Variants in TAFA2 observed in about 807,000 individuals in gnomAD.
The protein encoded by TAFA2 is TAFA chemokine like family member 2.
Under a neutral mutation model 18.8 loss-of-function variants are expected in TAFA2, and 7 were observed. The observed-to-expected ratio is 0.37, with a 90% CI of 0.21 to 0.70. TAFA2 has a LOEUF of 0.70. Among genes scored for constraint, TAFA2 ranks in the 30% least tolerant of loss-of-function variants. The pLI is 0.53. For synonymous variants in TAFA2, 60 were observed against 54.2 expected (o/e 1.11, Z -0.47); for missense variants, 122 against 158.1 (o/e 0.77, Z 1.23).
At position 61,944,184 on chromosome 12, in the gene TAFA2, C is replaced by A. The variant is rs990617616; in HGVS notation, c.-1-76758G>T. ...GCCGCTCAACTACCTGGAAACTGAACAACCTGCTCCTGAATGACTACTGGG... is the reference window on the plus strand; with the variant it reads ...GCCGCTCAACTACCTGGAAACTGAAAAACCTGCTCCTGAATGACTACTGGG... On this transcript the variant is annotated intron_variant, in intron 1 of 4. Coordinates refer to ENST00000416284, the MANE Select transcript of TAFA2 (RefSeq NM_178539.5). 1.1e-3 allele frequency among the ~76,000 whole-genome samples: 163 copies of A among 146,326 alleles called. 1 individual carries two copies. Among genetic ancestry groups the A allele is most frequent in the Non-Finnish European group, 1.8e-3 (120 of 66,772 alleles).
intron 1 of TAFA2, among the ~76,000 whole-genome samples, chr12:61,916,376 C>T (rs562459616): frequency 1.3e-5 from 2 of 152,202 alleles, no homozygotes; most frequent in African/African-American, 2.4e-5. Context: ...TTACACTCCT[C>T]GACGGTTGAT....
upstream of TAFA2, among the ~76,000 whole-genome samples, chr12:62,193,932 C>T (rs565604191): frequency 6.6e-6 from 1 of 152,234 alleles, no homozygotes; most frequent in South Asian, 2.1e-4. Flanking sequence ...TAGTTGAAAT[C>T]ATTTAAAACA....
intron 1 of TAFA2, among the ~76,000 whole-genome samples, chr12:62,236,265 T>C (rs1206669329): frequency 7.6e-6 from 1 of 131,698 alleles, no homozygotes; most frequent in African/African-American, 3.1e-5. Context: ...TTTTTTCTTT[T>C]TTTTTTCTTT....
At chr12:61,966,431 G>GGGCCTTTAT (rs1879069998) in intron 1 of TAFA2, among the ~76,000 whole-genome samples, 2 of 151,882 alleles carry the variant, frequency 1.3e-5, no homozygotes, top group South Asian at 4.2e-4. Flanking sequence ...CATGAGGGAG[G>GGGCCTTTAT]GGCCTTTATG....
At chr12:62,248,933 C>T (rs2062898906) in intron 1 of TAFA2, among the ~76,000 whole-genome samples, 1 of 152,054 alleles carries the variant, frequency 6.6e-6, no homozygotes, top group Non-Finnish European at 1.5e-5. Flanking sequence ...ATCTAGCAAT[C>T]ATCATTTGAG....
rs966341385 is a variant in TAFA2, at chr12:62,088,934, G to A, written c.-2+102325C>T. 1.1e-4 allele frequency among the ~76,000 whole-genome samples: 17 copies of A among 151,762 alleles called. 1 individual carries two copies. The South Asian group carries it at 1.9e-3, about 17-fold the overall frequency. ...TCTGTGTGTGTGTGTGTGTGCACGC[G>A]CGCGCACGCATCTGTCTCACATACA... On this transcript the variant is annotated intron_variant, in intron 1 of 4. Coordinates refer to ENST00000416284, the MANE Select transcript of TAFA2 (RefSeq NM_178539.5).
intron 2 of TAFA2, among the ~76,000 whole-genome samples, chr12:61,813,657 T>C (rs2121017580): frequency 6.6e-6 from 1 of 151,634 alleles, no homozygotes; most frequent in South Asian, 2.1e-4. Context: ...CATGTTTATT[T>C]CCATCAACAC....
chr12:61,838,841 T>C (rs750370889), intron 2 of TAFA2, among the ~76,000 whole-genome samples: 2 of 152,048 alleles, frequency 1.3e-5, no homozygotes, highest in Non-Finnish European at 2.9e-5. Context: ...TTTTCAATAA[T>C]TTTCAAATAA....
intron 2 of TAFA2, among the ~76,000 whole-genome samples, chr12:61,844,375 C>T (rs1220381723): frequency 6.6e-6 from 1 of 152,090 alleles, no homozygotes; most frequent in Non-Finnish European, 1.5e-5. Context: ...AGAACTGAAT[C>T]ATGTGTACGG....
In TAFA2 at chr12:62,151,710, AG is replaced by A. The variant is rs1431083684; in HGVS notation, c.-2+39548del. Reference sequence around the variant, plus strand: ...TAGTAAACTAATTTCTTTCTTCCCCAGACTTGTGTATCTTGTACATAAAATA... The same window carrying A: ...TAGTAAACTAATTTCTTTCTTCCCCAACTTGTGTATCTTGTACATAAAATA... On this transcript the variant is annotated intron_variant, in intron 1 of 4. Transcript: ENST00000416284. 2.6e-5 allele frequency among the ~76,000 whole-genome samples: 4 copies of A among 152,334 alleles called. No individual in the cohort carries two copies. In the East Asian group the frequency reaches 7.7e-4, roughly 29 times the overall value.
At chr12:61,805,586 C>A (rs939047110) in intron 2 of TAFA2, among the ~76,000 whole-genome samples, 1 of 152,066 alleles carries the variant, frequency 6.6e-6, no homozygotes, top group Non-Finnish European at 1.5e-5. Flanking sequence ...ATCATAGTAA[C>A]ACCATGGCTG....
chr12:62,172,645 T>C (rs2062486068), intron 1 of TAFA2, among the ~76,000 whole-genome samples: 2 of 152,200 alleles, frequency 1.3e-5, no homozygotes, highest in Non-Finnish European at 2.9e-5. Flanking sequence ...AAAAGTTATT[T>C]CAAGGTAGGG....
Position 61,766,794 on chromosome 12 carries a change from T to C in TAFA2, c.107-11770A>G, listed in dbSNP as rs545496249. Among the ~76,000 whole-genome samples, 203 of 152,214 alleles carry C rather than the reference T, an allele frequency of 1.3e-3. 1 individual carries two copies. The highest frequency in any genetic ancestry group is 4.7e-3 in the African/African-American group (194 of 41,556). On this transcript the variant is annotated intron_variant, in intron 2 of 4. Transcript: ENST00000416284. ...AGTAAATTTAACATTTTTTTTCCAG[T>C]CCAGGCTTAGATAAACTTATTGGAA...
intron 1 of TAFA2, among the ~76,000 whole-genome samples, chr12:62,032,912 A>G (rs1881498159): frequency 6.6e-6 from 1 of 152,200 alleles, no homozygotes; most frequent in Non-Finnish European, 1.5e-5. Context: ...GCAATGCTTC[A>G]CATTTTTTCA....
At chr12:62,175,132 C>T (rs1347638796) in intron 1 of TAFA2, among the ~76,000 whole-genome samples, 2 of 152,070 alleles carry the variant, frequency 1.3e-5, no homozygotes, top group Non-Finnish European at 2.9e-5. Flanking sequence ...TTAATTGGAT[C>T]AATGCTTATG....
At chr12:62,235,460 C>A in intron 1 of TAFA2, 1 of 630,132 alleles carries the variant, frequency 1.6e-6, no homozygotes. Context: ...CGCCGCCTGC[C>A]ACTGGCTCAG....
intron 1 of TAFA2, chr12:61,879,401 G>A (rs557905630): frequency 1.4e-6 from 1 of 728,206 alleles, no homozygotes; most frequent in Non-Finnish European, 2.4e-6. Context: ...TACACGAGTG[G>A]TCCCGGTGCC....
chr12:61,900,735 G>A (rs1474929383), intron 1 of TAFA2, among the ~76,000 whole-genome samples: 2 of 152,160 alleles, frequency 1.3e-5, no homozygotes, highest in East Asian at 3.8e-4. Context: ...AATTCAAGAT[G>A]AGATTTGGGT....
intron 2 of TAFA2, among the ~76,000 whole-genome samples, chr12:61,838,151 G>A (rs2121114040): frequency 6.6e-6 from 1 of 152,038 alleles, no homozygotes; most frequent in South Asian, 2.1e-4. Flanking sequence ...CTATGGATCT[G>A]TTCTCTGAAT....
Sources: allele counts gnomAD v4.1 joint callset (sites outside exome capture counted in the v4.1 genomes callset), GRCh38; gene constraint gnomAD v4.1.1; transcripts MANE v1.5; gene names NCBI Gene and HGNC (gene_info 2026-07-23, HGNC 2026-07-21).